The following C4orf50 variants were observed in gnomAD, a reference collection of about 807,000 sequenced individuals.
The protein encoded by C4orf50 is uncharacterized protein C4orf50.
A neutral mutation model predicts 77.2 loss-of-function variants in C4orf50; 80 were observed. That is an observed-to-expected ratio of 1.04 (90% confidence interval 0.87 to 1.25). The LOEUF is 1.25. Ranked by LOEUF, C4orf50 falls within the 50% of genes most tolerant of loss-of-function variation. The probability of loss-of-function intolerance (pLI) is 0.00; values close to 1 mark genes in which losing one functional copy is unlikely to be tolerated. For synonymous variants in C4orf50, 532 were observed against 465.3 expected (o/e 1.14, Z -1.84); for missense variants, 1,257 against 1,152.9 (o/e 1.09, Z -1.31).
In C4orf50 at chr4:6,012,103, C is replaced by T. The variant is rs982597869; in HGVS notation, c.288-135G>A. The T allele has an allele frequency of 1.5e-4, 58 of 397,234 alleles. No individual in the cohort carries two copies. The East Asian group carries it at 1.7e-3, about 12-fold the overall frequency. The allele number at this position is 397,234 out of a possible 1,614,324, so 24.6% of individuals were successfully genotyped here. A position where few individuals can be genotyped will look rare whatever the true frequency, so the allele number is the denominator to read the frequency against. On this transcript the variant is annotated intron_variant, in intron 23 of 33. Transcript: ENST00000531445. ...CCAATGTGATGTTCTGACAAAATTA[C>T]GTTTTGCATAATATTCATGTATATA... is the stretch of plus-strand genomic sequence containing the variant.
At position 5,972,247 on chromosome 4, in the gene C4orf50, T is replaced by C. The variant is rs547994633; in HGVS notation, c.4104+1412A>G. Among the ~76,000 whole-genome samples the C allele has an allele frequency of 1.6e-4, 24 of 152,114 alleles. No individual in the cohort carries two copies. The East Asian group carries it at 4.1e-3, about 26-fold the overall frequency. Reference sequence around the variant, plus strand: ...CTCGATCTCTTGACCTTGTGATCTGTCCGCCCCGGCCTCCCAAAGTGCTGG... The same window carrying C: ...CTCGATCTCTTGACCTTGTGATCTGCCCGCCCCGGCCTCCCAAAGTGCTGG... On this transcript the variant is annotated intron_variant, in intron 31 of 33. Coordinates refer to ENST00000531445, the Ensembl canonical transcript of C4orf50.
At chr4:5,935,780 C>T (rs1246364898) in intron 7 of C4orf50, among the ~76,000 whole-genome samples, 2 of 80,000 alleles carry the variant, frequency 2.5e-5, no homozygotes, top group Admixed American at 1.2e-4. Context: ...AGGGAGACTC[C>T]GTCTAAAAAA....
rs1191876694 is a variant in C4orf50 at position 6,007,484 on chromosome 4, G to A, written c.963+512C>T. On this transcript the variant is annotated intron_variant, in intron 25 of 33. Transcript: ENST00000531445. The surrounding 1 kb of genome is among the most constrained non-coding windows in gnomAD (Gnocchi z 4.1). ...GCCCTCCCCCAACACCAAATCTGCT[G>A]GTGCCTTGATCTTGGACCTCCAGCC... 6.6e-6 allele frequency among the ~76,000 whole-genome samples: 1 copy of A among 152,102 alleles called. No individual in the cohort carries two copies. Among genetic ancestry groups the A allele is most frequent in the East Asian group, 1.9e-4 (1 of 5,186 alleles).
chr4:5,914,205 G>GTTTT (rs1207974269), intron 7 of C4orf50, among the ~76,000 whole-genome samples: 75 of 78,114 alleles, frequency 9.6e-4, no homozygotes, highest in African/African-American at 1.7e-3. Flanking sequence ...TTTTATGGGT[G>GTTTT]TTTTTTTTTT....
At chr4:5,924,623 G>A (rs1364178617) in intron 7 of C4orf50, among the ~76,000 whole-genome samples, 2 of 152,202 alleles carry the variant, frequency 1.3e-5, no homozygotes, top group Non-Finnish European at 2.9e-5. Context: ...CGGGCCTGGA[G>A]CAGCAGCCCA....
chr4:5,939,616 C>A (rs1056248000), intron 7 of C4orf50, among the ~76,000 whole-genome samples: 1 of 152,188 alleles, frequency 6.6e-6, no homozygotes, highest in African/African-American at 2.4e-5. Flanking sequence ...ATTTCCTACT[C>A]CCCACCCTGC....
At chr4:5,948,960 CAAAA>C (rs765201490) in intron 7 of C4orf50, among the ~76,000 whole-genome samples, 4 of 87,112 alleles carry the variant, frequency 4.6e-5, no homozygotes, top group Non-Finnish European at 6.6e-5. Context: ...GACTCCATCT[CAAAA>C]AAAAAAAAAA....
At chr4:5,994,237 G>A in intron 26 of C4orf50, 110 bp downstream of exon 4, 1 of 397,040 alleles carries the variant, frequency 2.5e-6, no homozygotes, top group Non-Finnish European at 4.4e-6. Flanking sequence ...TAGGGAGGGG[G>A]GACCACCCCC....
chr4:5,963,900 A>T (rs1463792527), intron 33 of C4orf50, among the ~76,000 whole-genome samples: 1 of 152,208 alleles, frequency 6.6e-6, no homozygotes, highest in African/African-American at 2.4e-5. Context: ...TTGAACTCAG[A>T]TCTGCCAGAC....
chr4:5,917,823 G>C (rs538931969), intron 7 of C4orf50, among the ~76,000 whole-genome samples: 2 of 151,864 alleles, frequency 1.3e-5, no homozygotes, highest in Non-Finnish European at 2.9e-5. Context: ...TGCCCACCCC[G>C]GTCCTGGTTT....
intron 25 of C4orf50, among the ~76,000 whole-genome samples, chr4:6,003,350 T>C (rs998505419): frequency 2.6e-5 from 4 of 152,168 alleles, no homozygotes; most frequent in African/African-American, 9.7e-5. Flanking sequence ...AAAATTACAG[T>C]GTAGGTAGTG....
At position 5,919,644 on chromosome 4, in the gene C4orf50, C is replaced by T. The variant is rs1049833272; in HGVS notation, c.*2475-21456G>A. On this transcript the variant is annotated intron_variant, in intron 7 of 7. Coordinates refer to the C4orf50 transcript ENST00000324058. The surrounding 1 kb of genome is among the most constrained non-coding windows in gnomAD (Gnocchi z 6.5). ...AAGGCATTAACCCCAGGTCAGCAAACGCCACACTGAGACACTGAGTAGTCA... is the reference window on the plus strand; with the variant it reads ...AAGGCATTAACCCCAGGTCAGCAAATGCCACACTGAGACACTGAGTAGTCA... Among the ~76,000 whole-genome samples the T allele has an allele frequency of 3.3e-5, 5 of 152,210 alleles. No homozygotes were observed. The highest frequency in any genetic ancestry group is 2.1e-4 in the South Asian group (1 of 4,832).
intron 7 of C4orf50, among the ~76,000 whole-genome samples, chr4:5,907,757 C>T (rs1324484819): frequency 6.6e-6 from 1 of 152,068 alleles, no homozygotes; most frequent in Non-Finnish European, 1.5e-5. Flanking sequence ...CAAGGAAGAT[C>T]CAGCCATGGA....
intron 28 of C4orf50, among the ~76,000 whole-genome samples, chr4:5,987,412 C>CAAAAAAAAAAAAAAAAAAAAAAAAAAA (rs58512584): frequency 5.9e-5 from 2 of 33,648 alleles, no homozygotes; most frequent in African/African-American, 9.2e-5. Context: ...CTCTGTCTCA[C>CAAAAAAAAAAAAAAAAAAAAAAAAAAA]AAAAAAAAAA....
intron 23 of C4orf50, among the ~76,000 whole-genome samples, chr4:6,014,035 G>A (rs563870605): frequency 3.4e-5 from 5 of 149,008 alleles, no homozygotes; most frequent in South Asian, 2.1e-4. Flanking sequence ...GGAGTTTTGC[G>A]TTTGTTGCCC....
At chr4:5,939,251 A>C (rs921972131) in intron 7 of C4orf50, among the ~76,000 whole-genome samples, 5 of 151,766 alleles carry the variant, frequency 3.3e-5, no homozygotes, top group South Asian at 2.1e-4. Flanking sequence ...CTCAAAAAAA[A>C]AGAAAGAAAG....
downstream of C4orf50, among the ~76,000 whole-genome samples, chr4:5,955,157 T>C (rs1718897391): frequency 6.6e-6 from 1 of 152,130 alleles, no homozygotes; most frequent in Non-Finnish European, 1.5e-5. The surrounding 1 kb of genome is among the most constrained non-coding windows in gnomAD (Gnocchi z 5.1). Context: ...ATGACAAGCA[T>C]GGAGATAAAG....
intron 7 of C4orf50, among the ~76,000 whole-genome samples, chr4:5,925,056 G>C (rs1717453566): frequency 1.3e-5 from 2 of 152,106 alleles, no homozygotes; most frequent in Admixed American, 6.5e-5. Context: ...CCATGCACCA[G>C]GTAGGAGAGG....
intron 25 of C4orf50, among the ~76,000 whole-genome samples, chr4:5,998,555 C>T (rs945072508): frequency 1.3e-5 from 2 of 152,186 alleles, no homozygotes; most frequent in Non-Finnish European, 2.9e-5. Context: ...GCGGGATCAT[C>T]CAGTCACTCC....
Sources: allele counts gnomAD v4.1 joint callset (sites outside exome capture counted in the v4.1 genomes callset), GRCh38; gene constraint gnomAD v4.1.1; non-coding constraint Gnocchi (gnomAD v3.1); transcripts MANE v1.5; gene names NCBI Gene and HGNC (gene_info 2026-07-23, HGNC 2026-07-21).